The following SLIT1 variants were observed in gnomAD, a reference collection of about 807,000 sequenced individuals.
SLIT1 encodes slit homolog 1 protein.
In SLIT1, 66 loss-of-function variants were observed where a neutral mutation model predicts 186.1. The observed-to-expected ratio is 0.35, with a 90% CI of 0.29 to 0.44. SLIT1 has a LOEUF of 0.44. SLIT1 is among the 20% of genes least tolerant of loss of function. The pLI is 1.00. For synonymous variants in SLIT1, 761 were observed against 833.8 expected, an observed-to-expected ratio of 0.91 and a Z score of 1.50; for missense variants, 1,638 against 2,037.4, an observed-to-expected ratio of 0.80 and a Z score of 3.77.
intron 4 of SLIT1, among the ~76,000 whole-genome samples, chr10:97,087,814 C>A (rs182843886): frequency 1.3e-5 from 2 of 152,230 alleles, no homozygotes; most frequent in African/African-American, 2.4e-5. Flanking sequence ...TTGATCAGCC[C>A]AGCCAATATT....
chr10:97,146,177 T>C (rs1465663888), intron 4 of SLIT1, among the ~76,000 whole-genome samples: 1 of 152,178 alleles, frequency 6.6e-6, no homozygotes, highest in East Asian at 1.9e-4. Flanking sequence ...GTGATCACAT[T>C]TTGCCTTAGG....
In SLIT1 at chr10:97,001,073, G is replaced by A; in HGVS notation, c.*39C>T. The A allele has an allele frequency of 4.5e-6, 7 of 1,557,396 alleles. No individual in the cohort carries two copies. Among genetic ancestry groups the A allele is most frequent in the Non-Finnish European group, 6.2e-6 (7 of 1,133,710 alleles). On this transcript the variant is annotated 3_prime_UTR_variant, in exon 37 of 37. Transcript: ENST00000266058. Reference sequence around the variant, plus strand: ...TGTCTCCGCTGCTGCAGCGGCTGGGGCCCCTTGCCCGCCCTCACCGGCCTG... The same window carrying A: ...TGTCTCCGCTGCTGCAGCGGCTGGGACCCCTTGCCCGCCCTCACCGGCCTG...
At chr10:97,047,585 G>T in intron 16 of SLIT1, 105 bp downstream of exon 16, 2 of 1,178,378 alleles carry the variant, frequency 1.7e-6, no homozygotes, top group Non-Finnish European at 2.4e-6. Flanking sequence ...AGGCTCCAGT[G>T]GTTCAGCCCC....
chr10:97,110,738 T>C (rs753040796), intron 4 of SLIT1, among the ~76,000 whole-genome samples: 1 of 152,070 alleles, frequency 6.6e-6, no homozygotes, highest in Non-Finnish European at 1.5e-5. Context: ...TGGGGTTGGG[T>C]TGGAGAGGGA....
In SLIT1 at chr10:97,004,962, C is replaced by T. The variant is rs1051753102; in HGVS notation, c.3580-139G>A. 11 of 993,058 alleles carry T rather than the reference C, an allele frequency of 1.1e-5. No individual in the cohort carries two copies. In the African/African-American group the frequency reaches 1.8e-4, roughly 16 times the overall value. The allele number at this position is 993,058 out of a possible 1,614,324, so 61.5% of individuals were successfully genotyped here. A position where few individuals can be genotyped will look rare whatever the true frequency, so the allele number is the denominator to read the frequency against. On this transcript the variant is annotated intron_variant, in intron 32 of 36. Coordinates refer to ENST00000266058, the MANE Select transcript of SLIT1 (RefSeq NM_003061.3). This position sits in a 1 kb window ranked among gnomAD's most constrained non-coding sequence, Gnocchi z 5.1. ...GCTCTTCCCCCACCTGGCCAGCCTC[C>T]CCAAGGCCATTCCTCCAGGGGGCAC...
chr10:97,178,756 G>C (rs1254682973), intron 1 of SLIT1, among the ~76,000 whole-genome samples: 1 of 149,282 alleles, frequency 6.7e-6, no homozygotes, highest in South Asian at 2.2e-4. Context: ...AATTACCTAT[G>C]AGTGTGTGCG....
chr10:97,143,549 C>G (rs1849786507), intron 4 of SLIT1, among the ~76,000 whole-genome samples: 1 of 152,118 alleles, frequency 6.6e-6, no homozygotes, highest in Non-Finnish European at 1.5e-5. Context: ...TGAATGTGAA[C>G]ATATTTAACA....
At chr10:97,120,891 T>C (rs937028352) in intron 4 of SLIT1, among the ~76,000 whole-genome samples, 1 of 152,178 alleles carries the variant, frequency 6.6e-6, no homozygotes, top group Non-Finnish European at 1.5e-5. Flanking sequence ...ATAAAATGCT[T>C]ACAATGGTTC....
rs775747241 is a variant in SLIT1, at chr10:97,060,721, G to A, written c.860C>T (p.Thr287Ile). Residue 287 changes from threonine to isoleucine, a missense_variant, in exon 9 of 37, where the codon ACC becomes ATC. By Grantham distance (89) the Thr-to-Ile change is moderately conservative. Coordinates refer to ENST00000266058, the MANE Select transcript of SLIT1 (RefSeq NM_003061.3). The stretch of plus-strand genomic sequence containing the variant: ...ACAGTCCACGATGCCATTGCTGCAG[G>A]TGCACATGGCCGGGCAGGAGCCGGA... The part of the protein sequence containing the change: ...LSSGSCPAMC[T>I]CSNGIVDCRG... 15 of 1,613,708 alleles carry A rather than the reference G, an allele frequency of 9.3e-6. No individual in the cohort carries two copies. The highest frequency in any genetic ancestry group is 1.7e-5 in the Admixed American group (1 of 59,992).
intron 4 of SLIT1, among the ~76,000 whole-genome samples, chr10:97,080,167 T>C (rs1424943817): frequency 1.3e-5 from 2 of 152,146 alleles, no homozygotes; most frequent in Admixed American, 6.5e-5. Context: ...CTTCGGGGAA[T>C]GGTATCTTAC....
intron 10 of SLIT1, among the ~76,000 whole-genome samples, chr10:97,059,795 C>G (rs1253984964): frequency 6.6e-6 from 1 of 152,188 alleles, no homozygotes; most frequent in African/African-American, 2.4e-5. Context: ...TCTCCTAGCC[C>G]CCTCCCATCC....
chr10:97,108,315 T>A (rs1849433167), intron 4 of SLIT1, among the ~76,000 whole-genome samples: 1 of 152,164 alleles, frequency 6.6e-6, no homozygotes, highest in Non-Finnish European at 1.5e-5. Context: ...ACTTCACCTC[T>A]CCGTGCCTCA....
In SLIT1 at chr10:97,012,967, C is replaced by T. The variant is rs182256673; in HGVS notation, c.3203+774G>A. ...GAAGCATTATTTTAAAACTGCGTAA[C>T]CTTCATAAAGCAGTCTTCAAGTAAC... On this transcript the variant is annotated intron_variant, in intron 30 of 36. Transcript: ENST00000266058. Among the ~76,000 whole-genome samples the T allele has an allele frequency of 4.6e-5, 7 of 152,228 alleles. No individual in the cohort carries two copies. The South Asian group carries it at 1.0e-3, about 23-fold the overall frequency.
intron 20 of SLIT1, 29 bp from the exon 21 acceptor site, chr10:97,040,149 A>AGGGAGGTGGACGGGCCGCT (rs1342689407): frequency 2.0e-6 from 3 of 1,527,386 alleles, no homozygotes; most frequent in Non-Finnish European, 2.6e-6. Flanking sequence ...AGCCCCTGTC[A>AGGGAGGTGGACGGGCCGCT]GGGAGGTGGA....
chr10:97,070,126 C>A (rs915484337), intron 4 of SLIT1, among the ~76,000 whole-genome samples: 1 of 152,198 alleles, frequency 6.6e-6, no homozygotes, highest in Non-Finnish European at 1.5e-5. Flanking sequence ...CCAGCCAAGC[C>A]TTCAGATGAC....
chr10:97,018,755 C>A (rs1200033493), intron 27 of SLIT1, 72 bp from the exon 28 acceptor site: 3 of 948,368 alleles, frequency 3.2e-6, no homozygotes, highest in South Asian at 1.5e-5. Flanking sequence ...CCAGCCAGAC[C>A]CTCAGCAGCT....
At chr10:97,050,780 T>A (rs1025664658) in intron 13 of SLIT1, among the ~76,000 whole-genome samples, 11 of 152,180 alleles carry the variant, frequency 7.2e-5, no homozygotes, top group African/African-American at 2.4e-4. Flanking sequence ...AATTGTGTTG[T>A]TTAGGCATGT....
intron 4 of SLIT1, among the ~76,000 whole-genome samples, chr10:97,092,473 C>T (rs1849242501): frequency 6.6e-6 from 1 of 152,176 alleles, no homozygotes; most frequent in Non-Finnish European, 1.5e-5. Flanking sequence ...ACCTGAAAGC[C>T]TCAGAAGCCA....
intron 26 of SLIT1, among the ~76,000 whole-genome samples, chr10:97,020,791 T>G (rs1049154783): frequency 1.3e-5 from 2 of 152,240 alleles, no homozygotes; most frequent in African/African-American, 4.8e-5. Flanking sequence ...ATGCCCACAG[T>G]GGAGGGTCCC....
Sources: allele counts gnomAD v4.1 joint callset (sites outside exome capture counted in the v4.1 genomes callset), GRCh38; gene constraint gnomAD v4.1.1; non-coding constraint Gnocchi (gnomAD v3.1); transcripts MANE v1.5; gene names NCBI Gene and HGNC (gene_info 2026-07-23, HGNC 2026-07-21).